SCN8A: variants seen among roughly 807,000 people sequenced by gnomAD.
SCN8A encodes sodium channel protein type 8 subunit alpha.
Under a neutral mutation model 184.1 loss-of-function variants are expected in SCN8A, and 30 were observed. That is an observed-to-expected ratio of 0.16 (90% CI 0.12 to 0.22). The LOEUF is 0.22. SCN8A is among the 10% of genes least tolerant of loss of function. The pLI is 1.00. For synonymous variants in SCN8A, 852 were observed against 907.0 expected, an observed-to-expected ratio of 0.94 and a Z score of 1.09; for missense variants, 1,057 against 2,498.9, an observed-to-expected ratio of 0.42 and a Z score of 12.30.
chr12:51,745,915 G>A lies in SCN8A; in HGVS notation c.2011G>A (p.Val671Met). 1 of 1,588,014 alleles carries A rather than the reference G, an allele frequency of 6.3e-7. No homozygotes were observed. The highest frequency in any genetic ancestry group is 1.2e-5 in the South Asian group (1 of 85,308). ...TTTTTTTTTAAAGGCTACAACTGAGGTGGAAATTAAGAAGAAAGGCCCTGG... is the reference window on the plus strand; with the variant it reads ...TTTTTTTTTAAAGGCTACAACTGAGATGGAAATTAAGAAGAAAGGCCCTGG... Reference protein sequence around the residue: ...GRLLPEATTEVEIKKKGPGSL... With the variant: ...GRLLPEATTEMEIKKKGPGSL... Residue 671 changes from valine (V) to methionine (M), a missense_variant, in exon 13 of 27, where the codon GTG becomes ATG. Val to Met is a conservative substitution (Grantham distance 21). Transcript: ENST00000627620.
At chr12:51,779,495 G>T (rs1464494096) in intron 20 of SCN8A, among the ~76,000 whole-genome samples, 1 of 152,144 alleles carries the variant, frequency 6.6e-6, no homozygotes, top group African/African-American at 2.4e-5. Flanking sequence ...CCCTGGTACG[G>T]CAACATATTC....
chr12:51,659,544 A>G (rs1940887637), intron 1 of SCN8A, among the ~76,000 whole-genome samples: 1 of 152,230 alleles, frequency 6.6e-6, no homozygotes, highest in Non-Finnish European at 1.5e-5. Flanking sequence ...TTTATGATGC[A>G]TACGGTTGTA....
intron 14 of SCN8A, among the ~76,000 whole-genome samples, chr12:51,758,762 G>T (rs1942717707): frequency 6.6e-6 from 1 of 152,124 alleles, no homozygotes; most frequent in Non-Finnish European, 1.5e-5. Flanking sequence ...ATAGAAGGTA[G>T]TTAGATTCTC....
At chr12:51,772,849 T>G (rs303805) in intron 19 of SCN8A, among the ~76,000 whole-genome samples, 90,968 of 142,920 alleles carry the variant, frequency 0.64, 27,813 homozygotes, top group East Asian at 0.89. Flanking sequence ...GGGCATGGTG[T>G]CTCACACCTG....
At chr12:51,717,703 A>G (rs892612858) in intron 11 of SCN8A, among the ~76,000 whole-genome samples, 1 of 152,252 alleles carries the variant, frequency 6.6e-6, no homozygotes, top group East Asian at 1.9e-4. Context: ...ACACAGTGAC[A>G]ACATCTACTC....
intron 25 of SCN8A, 53 bp downstream of exon 25, chr12:51,790,555 A>C: frequency 8.3e-7 from 1 of 1,210,406 alleles, no homozygotes; most frequent in Non-Finnish European, 1.2e-6. Context: ...TAGGAAAAGT[A>C]CTAGTAGAGT....
At chr12:51,791,440 C>A (rs1016035335) in intron 25 of SCN8A, among the ~76,000 whole-genome samples, 5 of 152,062 alleles carry the variant, frequency 3.3e-5, no homozygotes, top group Admixed American at 2.0e-4. Flanking sequence ...TAAAGTAATC[C>A]TGGAAATAAG....
Position 51,732,692 on chromosome 12 carries a change from A to T in SCN8A, c.1998+10784A>T, listed in dbSNP as rs112456934. ...ACATTTTAACAATATTGAACAATCC[A>T]CGAACATGGAATATCTTTCCAGTTT... On this transcript the variant is annotated intron_variant, in intron 12 of 26. Transcript: ENST00000627620. Among the ~76,000 whole-genome samples, 175 of 152,316 alleles carry T rather than the reference A, an allele frequency of 1.1e-3. No homozygotes were observed. In the Middle Eastern group the frequency reaches 0.014, roughly 12 times the overall value.
chr12:51,797,250 T>A (rs1378834187), intron 26 of SCN8A, among the ~76,000 whole-genome samples: 1 of 152,132 alleles, frequency 6.6e-6, no homozygotes, highest in East Asian at 1.9e-4. Flanking sequence ...AGCGCACTAA[T>A]CCTTAACCTG....
intron 14 of SCN8A, among the ~76,000 whole-genome samples, chr12:51,757,703 C>T (rs1448424060): frequency 6.6e-6 from 1 of 152,206 alleles, no homozygotes; most frequent in African/African-American, 2.4e-5. Context: ...GAGAGGATTA[C>T]TTGAGCCTAG....
At chr12:51,636,251 C>T (rs1940315831) in intron 1 of SCN8A, among the ~76,000 whole-genome samples, 1 of 152,180 alleles carries the variant, frequency 6.6e-6, no homozygotes, top group Non-Finnish European at 1.5e-5. Context: ...CTGCCTCGGC[C>T]TCCCAAAGTG....
chr12:51,751,762 T>G (rs1294760505), intron 14 of SCN8A, among the ~76,000 whole-genome samples, 169 bp downstream of exon 14: 1 of 152,228 alleles, frequency 6.6e-6, no homozygotes, highest in Non-Finnish European at 1.5e-5. Flanking sequence ...TGCTCACTGT[T>G]GTGATCCCTT....
chr12:51,687,078 A>G lies in SCN8A; in HGVS notation c.486-13A>G, dbSNP rs1941431316. 5 of 1,612,930 alleles carry G rather than the reference A, an allele frequency of 3.1e-6. No homozygotes were observed. In the African/African-American group the frequency reaches 6.7e-5, roughly 22 times the overall value. On this transcript the variant is annotated splice_polypyrimidine_tract_variant and intron_variant, in intron 4 of 26. Transcript: ENST00000627620. ...GTCCAGAAATTACCTCAAGCTATTC[A>G]TTTCTTTGACAGGTACACGTTCACA... is the stretch of plus-strand genomic sequence containing the variant.
intron 1 of SCN8A, among the ~76,000 whole-genome samples, chr12:51,623,260 C>A (rs1017005929): frequency 1.3e-5 from 2 of 152,128 alleles, no homozygotes; most frequent in African/African-American, 4.8e-5. Context: ...GTATGCTAAC[C>A]CATGTATATA....
intron 22 of SCN8A, among the ~76,000 whole-genome samples, chr12:51,787,777 C>G (rs1455711303): frequency 1.3e-5 from 2 of 152,180 alleles, no homozygotes; most frequent in Non-Finnish European, 2.9e-5. Flanking sequence ...ATATAGTAAG[C>G]ACTCACTGTC....
chr12:51,750,968 C>T (rs1942585464), intron 13 of SCN8A, among the ~76,000 whole-genome samples: 1 of 152,182 alleles, frequency 6.6e-6, no homozygotes, highest in African/African-American at 2.4e-5. Flanking sequence ...GTCCTGTAAC[C>T]TGTAAAGTAA....
At chr12:51,786,506 C>G (rs1469598361) in intron 21 of SCN8A, 36 bp from the exon 22 acceptor site, 1 of 1,611,546 alleles carries the variant, frequency 6.2e-7, no homozygotes, top group Non-Finnish European at 8.5e-7. Context: ...GCTCTCATTT[C>G]CACCCAACAC....
intron 1 of SCN8A, among the ~76,000 whole-genome samples, chr12:51,601,855 GTTTTT>G (rs938674707): frequency 5.5e-5 from 6 of 109,760 alleles, no homozygotes; most frequent in East Asian, 2.6e-4. Flanking sequence ...CAGAGAAAGG[GTTTTT>G]TTTTTTTTTT....
chr12:51,728,646 G>T (rs1942191457), intron 12 of SCN8A, among the ~76,000 whole-genome samples: 1 of 151,192 alleles, frequency 6.6e-6, no homozygotes, highest in Admixed American at 6.6e-5. Context: ...AAGATGGGAG[G>T]ATCACTTGAG....
Sources: gnomAD v4.1 joint callset for allele counts (sites outside exome capture counted in the v4.1 genomes callset) on GRCh38, gnomAD v4.1.1 for gene constraint, MANE v1.5 for transcripts, NCBI Gene and HGNC (gene_info 2026-07-23, HGNC 2026-07-21) for gene names.